The following POFUT3 variants were observed in gnomAD, a reference collection of about 807,000 sequenced individuals.
The protein encoded by POFUT3 is protein O-fucosyltransferase 3.
At chr8:33,377,613 A>T in the POFUT3 span, 3 of 152,234 alleles carry the variant, frequency 2.0e-5, no homozygotes, top group African/African-American at 4.8e-5. Context: ...AATCTTATGA[A>T]ATGAACTCTT....
At chr8:33,421,586 G>A in the POFUT3 span, among the ~76,000 whole-genome samples, 1 of 150,066 alleles carries the variant, frequency 6.7e-6, no homozygotes, top group African/African-American at 2.5e-5. Context: ...TCGCTTGAGG[G>A]AAAGAACCCA....
chr8:33,369,693 A>G, the POFUT3 span, among the ~76,000 whole-genome samples: 1 of 152,138 alleles, frequency 6.6e-6, no homozygotes, highest in African/African-American at 2.4e-5. Context: ...TTTTATAGAT[A>G]TTGAGCAGGT....
the POFUT3 span, among the ~76,000 whole-genome samples, chr8:33,384,618 A>G: frequency 6.6e-6 from 1 of 152,060 alleles, no homozygotes; most frequent in Non-Finnish European, 1.5e-5. Context: ...TCAGGTGTTC[A>G]AGACCAGCCT....
chr8:33,418,411 CTTT>C, the POFUT3 span, among the ~76,000 whole-genome samples: 220 of 126,536 alleles, frequency 1.7e-3, no homozygotes, highest in Middle Eastern at 3.8e-3. Context: ...AAAGGGAACT[CTTT>C]TTTTTTTTTT....
At chr8:33,469,837 A>C in the POFUT3 span, among the ~76,000 whole-genome samples, 1 of 116,026 alleles carries the variant, frequency 8.6e-6, no homozygotes, top group Admixed American at 1.3e-4. Flanking sequence ...ATGGAGTCTC[A>C]CTCTGTCACC....
chr8:33,330,852 C>A, the POFUT3 span, among the ~76,000 whole-genome samples: 39,468 of 151,818 alleles, frequency 0.26, 5,490 homozygotes, highest in South Asian at 0.5. Context: ...CACATCTCTG[C>A]GTCTGTGGTT....
the POFUT3 span, among the ~76,000 whole-genome samples, chr8:33,447,276 C>T: frequency 2.0e-5 from 3 of 151,978 alleles, no homozygotes; most frequent in South Asian, 2.1e-4. Context: ...ACTGAAAACC[C>T]GTCTCTACTA....
chr8:33,326,460 C>T, the POFUT3 span, among the ~76,000 whole-genome samples: 1 of 152,220 alleles, frequency 6.6e-6, no homozygotes, highest in South Asian at 2.1e-4. Flanking sequence ...ACATATAGCT[C>T]ATTTAATTGA....
At chr8:33,377,193 T>C in the POFUT3 span, among the ~76,000 whole-genome samples, 2 of 151,100 alleles carry the variant, frequency 1.3e-5, no homozygotes, top group Non-Finnish European at 2.9e-5. Context: ...GATCGCACCA[T>C]TGCACTCCAG....
the POFUT3 span, among the ~76,000 whole-genome samples, chr8:33,403,508 A>C: frequency 6.6e-6 from 1 of 151,766 alleles, no homozygotes; most frequent in Non-Finnish European, 1.5e-5. Context: ...TTGAGGCCAG[A>C]AGTTCAAGAC....
At chr8:33,326,156 C>T in the POFUT3 span, among the ~76,000 whole-genome samples, 6 of 152,168 alleles carry the variant, frequency 3.9e-5, no homozygotes, top group African/African-American at 1.4e-4. Context: ...CAAGGCTGTT[C>T]ACATGGCCTA....
At chr8:33,341,933 C>T in the POFUT3 span, among the ~76,000 whole-genome samples, 2 of 152,076 alleles carry the variant, frequency 1.3e-5, no homozygotes, top group East Asian at 3.9e-4. Flanking sequence ...TGGCTCATGC[C>T]TGTAATCCCA....
chr8:33,349,999 A>G, the POFUT3 span, among the ~76,000 whole-genome samples: 1 of 152,130 alleles, frequency 6.6e-6, no homozygotes, highest in Admixed American at 6.6e-5. Context: ...TACAGGAGTA[A>G]GGTGGTATCT....
the POFUT3 span, among the ~76,000 whole-genome samples, chr8:33,335,151 ATGTGTGTGTGTGTG>A: frequency 6.9e-6 from 1 of 145,774 alleles, no homozygotes. Context: ...AAAGAAATAT[ATGTGTGTGTGTGTG>A]TGTGTGTGTG....
chr8:33,389,007 T>C, the POFUT3 span: 97 of 1,614,074 alleles, frequency 6.0e-5, no homozygotes, highest in Non-Finnish European at 7.2e-5. Context: ...GTGCACACCA[T>C]ACACTCAAAT....
At chr8:33,380,174 T>TAC in the POFUT3 span, among the ~76,000 whole-genome samples, 1 of 52,860 alleles carries the variant, frequency 1.9e-5, no homozygotes, top group Non-Finnish European at 2.7e-5. Context: ...TATATATATA[T>TAC]ACTATATATA....
the POFUT3 span, among the ~76,000 whole-genome samples, chr8:33,409,376 T>C: frequency 1.3e-5 from 2 of 152,188 alleles, no homozygotes; most frequent in African/African-American, 4.8e-5. Context: ...GTGCTAGGAT[T>C]ACAGGCATGA....
the POFUT3 span, among the ~76,000 whole-genome samples, chr8:33,382,386 C>G: frequency 2.8e-5 from 1 of 36,004 alleles, no homozygotes; most frequent in African/African-American, 2.2e-4. Context: ...AAAATGACAG[C>G]AAGGTGGTTT....
the POFUT3 span, among the ~76,000 whole-genome samples, chr8:33,412,227 C>T: frequency 0.3 from 46,055 of 151,970 alleles, 7,099 homozygotes; most frequent in South Asian, 0.44. Flanking sequence ...TTTAATAAGG[C>T]CTCACATATC....
Sources: gnomAD v4.1 joint callset for allele counts (sites outside exome capture counted in the v4.1 genomes callset) on GRCh38, gnomAD v4.1.1 for gene constraint, MANE v1.5 for transcripts, NCBI Gene and HGNC (gene_info 2026-07-23, HGNC 2026-07-21) for gene names.